Variants in NEBL observed in about 807,000 individuals in gnomAD.
The protein encoded by NEBL is nebulette.
Under a neutral mutation model 140.2 loss-of-function variants are expected in NEBL, and 122 were observed. The ratio of observed to expected loss-of-function variants is 0.87; its 90% CI spans 0.75 to 1.01. The LOEUF is 1.01. NEBL is among the 50% of genes least tolerant of loss of function. The pLI, the probability that NEBL is intolerant of heterozygous loss-of-function variation, is 0.00. For missense variants in NEBL, 1,365 were observed against 1,231.3 expected (o/e 1.11, Z -1.62); for synonymous variants, 436 against 398.9 (o/e 1.09, Z -1.11).
intron 16 of NEBL, 38 bp from the exon 17 acceptor site, chr10:20,828,672 G>C: frequency 7.4e-7 from 1 of 1,345,030 alleles, no homozygotes; most frequent in South Asian, 1.2e-5. Context: ...CTGAAACTAT[G>C]TGTGTGCGCA....
At chr10:21,014,098 A>C (rs1367241147) in intron 3 of NEBL, among the ~76,000 whole-genome samples, 1 of 152,006 alleles carries the variant, frequency 6.6e-6, no homozygotes, top group South Asian at 2.1e-4. Flanking sequence ...GTCTTGTTGC[A>C]GTTGTAATTT....
intron 20 of NEBL, chr10:20,818,930 A>T: frequency 1.0e-6 from 1 of 971,700 alleles, no homozygotes; most frequent in Admixed American, 5.8e-5. Context: ...AAATCTGGAG[A>T]TATTCCGTTT....
chr10:21,111,017 C>T (rs944981272), intron 2 of NEBL: 8 of 301,996 alleles, frequency 2.6e-5, no homozygotes, highest in South Asian at 6.2e-5. Context: ...AATAAAACAC[C>T]GAGGAATTTA....
chr10:21,045,271 C>T (rs1834458234), intron 2 of NEBL, among the ~76,000 whole-genome samples: 2 of 152,176 alleles, frequency 1.3e-5, no homozygotes, highest in Admixed American at 6.5e-5. Context: ...TCTGACCATT[C>T]AAGTATTGAA....
chr10:20,881,694 C>T (rs750948415), intron 4 of NEBL, among the ~76,000 whole-genome samples: 14 of 152,136 alleles, frequency 9.2e-5, no homozygotes, highest in Non-Finnish European at 1.6e-4. Flanking sequence ...ACACAACTGT[C>T]GTGTTCACTG....
intron 4 of NEBL, among the ~76,000 whole-genome samples, chr10:20,933,384 T>C (rs191497740): frequency 2.6e-5 from 4 of 152,320 alleles, no homozygotes; most frequent in South Asian, 2.1e-4. Flanking sequence ...CGTACACTAC[T>C]AGACTATATG....
At chr10:21,109,534 C>T (rs1251511209) in intron 2 of NEBL, among the ~76,000 whole-genome samples, 1 of 151,974 alleles carries the variant, frequency 6.6e-6, no homozygotes, top group Non-Finnish European at 1.5e-5. Context: ...AGGGAGGATT[C>T]CCTCTTTTTC....
At chr10:21,107,217 A>G (rs981057997) in intron 2 of NEBL, among the ~76,000 whole-genome samples, 1 of 152,160 alleles carries the variant, frequency 6.6e-6, no homozygotes. Flanking sequence ...TTCCAGCACT[A>G]CGTTGAATAT....
At chr10:21,106,259 C>T (rs1256030150) in intron 2 of NEBL, among the ~76,000 whole-genome samples, 1 of 152,182 alleles carries the variant, frequency 6.6e-6, no homozygotes, top group Non-Finnish European at 1.5e-5. Context: ...GGAGTCTTTG[C>T]CCATGCCTAT....
At chr10:21,179,789 G>A (rs544905296), upstream of NEBL, among the ~76,000 whole-genome samples, 11 of 152,078 alleles carry the variant, frequency 7.2e-5, no homozygotes, top group African/African-American at 1.9e-4. Context: ...CCTTGAAGAC[G>A]GAGGAAGGGG....
chr10:21,124,951 C>T (rs555368237), intron 2 of NEBL, among the ~76,000 whole-genome samples: 3 of 152,248 alleles, frequency 2.0e-5, no homozygotes, highest in African/African-American at 4.8e-5. Flanking sequence ...CAGAGCAAGA[C>T]TACATCTCTA....
chr10:21,208,069 A>T (rs936308196), intron 3 of NEBL, among the ~76,000 whole-genome samples: 3 of 152,208 alleles, frequency 2.0e-5, no homozygotes, highest in Admixed American at 6.5e-5. Context: ...GTGCCAAGTG[A>T]GGATATGAGA....
In NEBL at chr10:21,285,718, T is replaced by A. The variant is rs552613937; in HGVS notation, n.182+7112A>T. Among the ~76,000 whole-genome samples, 28 of 152,358 alleles carry A rather than the reference T, an allele frequency of 1.8e-4. 1 individual carries two copies. The highest frequency in any genetic ancestry group is 6.5e-4 in the African/African-American group (27 of 41,580). ...AATTTTTCAAGATAAGCTGTTCTAC[T>A]TCCAGGAAGTGTCTAAAGTCGTTAT... On this transcript the variant is annotated intron_variant and non_coding_transcript_variant, in intron 1 of 8. Coordinates refer to the NEBL transcript ENST00000675702.
intron 4 of NEBL, among the ~76,000 whole-genome samples, chr10:20,926,937 C>A (rs956025734): frequency 5.9e-5 from 9 of 152,190 alleles, no homozygotes. Flanking sequence ...GACAAAGGCC[C>A]CTCTCCTAAG....
At chr10:20,900,221 C>T (rs768552125), upstream of NEBL, among the ~76,000 whole-genome samples, 6 of 152,148 alleles carry the variant, frequency 3.9e-5, no homozygotes, top group African/African-American at 7.2e-5. Context: ...TAGTACTCTA[C>T]GCATGCCTTG....
In NEBL at chr10:21,028,213, C is replaced by T. The variant is rs994187497; in HGVS notation, c.165-8012G>A. ...CTGCACTCCAGCCTGGCCAACAGAG[C>T]GAGACTCCATCTCAAACATCTCAAA... On this transcript the variant is annotated intron_variant, in intron 2 of 6. Coordinates refer to the NEBL transcript ENST00000417816. 4.3e-4 allele frequency among the ~76,000 whole-genome samples: 19 copies of T among 44,596 alleles called. No individual in the cohort carries two copies. In the East Asian group the frequency reaches 5.0e-3, roughly 12 times the overall value. 29.3% of individuals were successfully genotyped at this position (44,596 alleles called of 152,430 possible). A position where few individuals can be genotyped will look rare whatever the true frequency, so the allele number is the denominator to read the frequency against.
chr10:20,821,997 T>C (rs1377940493), intron 19 of NEBL, among the ~76,000 whole-genome samples: 2 of 152,228 alleles, frequency 1.3e-5, no homozygotes, highest in Non-Finnish European at 2.9e-5. Flanking sequence ...CCAAGGCTCT[T>C]TGTCTCTGCC....
At chr10:20,953,818 T>G (rs1835634806) in intron 4 of NEBL, among the ~76,000 whole-genome samples, 1 of 151,990 alleles carries the variant, frequency 6.6e-6, no homozygotes, top group Non-Finnish European at 1.5e-5. Context: ...ATGTACAAAA[T>G]TAGTCAATAT....
intron 5 of NEBL, among the ~76,000 whole-genome samples, chr10:20,880,345 G>C (rs1359497182): frequency 6.6e-6 from 1 of 152,198 alleles, no homozygotes; most frequent in Non-Finnish European, 1.5e-5. Flanking sequence ...GGGTGACAGA[G>C]CGAGGCTCTG....
Sources: allele counts gnomAD v4.1 joint callset (sites outside exome capture counted in the v4.1 genomes callset), GRCh38; gene constraint gnomAD v4.1.1; transcripts MANE v1.5; gene names NCBI Gene and HGNC (gene_info 2026-07-23, HGNC 2026-07-21).